Variants in CLTCL1 observed in about 807,000 individuals in gnomAD.
CLTCL1 encodes the protein clathrin heavy chain 2.
CLTCL1 carries 159 observed loss-of-function variants against 190.0 expected under a neutral mutation model. The observed-to-expected ratio is 0.84, with a 90% CI of 0.74 to 0.95. The LOEUF is 0.95. Among genes scored for constraint, CLTCL1 ranks in the 40% least tolerant of loss-of-function variants. The probability of loss-of-function intolerance (pLI) is 0.00; values close to 1 mark genes in which losing one functional copy is unlikely to be tolerated. For missense variants in CLTCL1, 1,878 were observed against 2,033.4 expected (o/e 0.92, Z 1.47); for synonymous variants, 752 against 769.6 (o/e 0.98, Z 0.38).
intron 16 of CLTCL1, 103 bp from the exon 17 acceptor site, chr22:19,221,714 G>T: frequency 1.8e-6 from 2 of 1,119,498 alleles, no homozygotes; most frequent in Admixed American, 2.5e-5. Flanking sequence ...AAAAATCTCA[G>T]AGTCCATTGA....
In CLTCL1 at chr22:19,198,991, T is replaced by C. The variant is rs1198937706; in HGVS notation, c.3873+743A>G. Among the ~76,000 whole-genome samples, 2 of 152,176 alleles carry C rather than the reference T, an allele frequency of 1.3e-5. No homozygotes were observed. Among genetic ancestry groups the C allele is most frequent in the Non-Finnish European group, 2.9e-5 (2 of 68,036 alleles). On this transcript the variant is annotated intron_variant, in intron 24 of 32. Coordinates refer to ENST00000427926, the MANE Select transcript of CLTCL1 (RefSeq NM_007098.4). The surrounding 1 kb of genome is among the most constrained non-coding windows in gnomAD (Gnocchi z 4.1). Reference sequence around the variant, plus strand: ...TCTGGGGGTGGGAAAGCATTTCTCATTGAAAAGCCATCACACCCAGCTAAT... The same window carrying C: ...TCTGGGGGTGGGAAAGCATTTCTCACTGAAAAGCCATCACACCCAGCTAAT...
At position 19,254,143 on chromosome 22, in the gene CLTCL1, T is replaced by C; in HGVS notation, c.335A>G (p.Lys112Arg). The part of the protein sequence containing the change: ...HTMAEEVIFW[K>R]WVSVNTVALV... The stretch of plus-strand genomic sequence containing the variant: ...GGCAACAGTGTTCACAGAAACCCAT[T>C]TCCAGAAAATCACTTCTTCTGCCAT... The change falls in exon 3 of 33, where the codon AAA (lysine) becomes AGA (arginine). Residue 112 changes from lysine to arginine, a missense_variant. Physicochemically the swap from Lys to Arg is conservative, Grantham distance 26. Transcript: ENST00000427926. The C allele has an allele frequency of 6.2e-7, 1 of 1,613,840 alleles. No individual in the cohort carries two copies. Among genetic ancestry groups the C allele is most frequent in the Non-Finnish European group, 8.5e-7 (1 of 1,179,810 alleles).
intron 10 of CLTCL1, among the ~76,000 whole-genome samples, chr22:19,231,762 T>A (rs2085923810): frequency 6.6e-6 from 1 of 152,226 alleles, no homozygotes; most frequent in Non-Finnish European, 1.5e-5. Flanking sequence ...TTTGAACAAC[T>A]TTAAAATATG....
At chr22:19,233,359 T>G (rs782358113) in intron 8 of CLTCL1, 41 bp from the exon 9 acceptor site, 1 of 1,610,394 alleles carries the variant, frequency 6.2e-7, no homozygotes, top group Non-Finnish European at 8.5e-7. Flanking sequence ...AGGAGGCAGG[T>G]AGGGAGCCTG....
intron 11 of CLTCL1, among the ~76,000 whole-genome samples, chr22:19,227,548 G>A (rs1461829422): frequency 4.0e-5 from 6 of 150,398 alleles, no homozygotes; most frequent in Admixed American, 1.3e-4. Context: ...TCCGTCTCAC[G>A]GGTTCAAGTG....
chr22:19,235,895 T>C lies in CLTCL1; in HGVS notation c.796-26A>G, dbSNP rs186158333. The C allele has an allele frequency of 4.4e-5, 70 of 1,599,356 alleles. No individual in the cohort carries two copies. The Middle Eastern group carries it at 5.0e-4, about 11-fold the overall frequency. Reference sequence around the variant, plus strand: ...CTATAAGAAGACAGAGAGCAAGAGGTTGGAAAGTAAGGAGGAGAAGCCATG... The same window carrying C: ...CTATAAGAAGACAGAGAGCAAGAGGCTGGAAAGTAAGGAGGAGAAGCCATG... On this transcript the variant is annotated intron_variant, in intron 5 of 32. Coordinates refer to ENST00000427926, the MANE Select transcript of CLTCL1 (RefSeq NM_007098.4).
At chr22:19,277,837 G>A (rs1601724217) in intron 1 of CLTCL1, among the ~76,000 whole-genome samples, 1 of 152,114 alleles carries the variant, frequency 6.6e-6, no homozygotes, top group Non-Finnish European at 1.5e-5. Context: ...AGATCCCACA[G>A]GTTGAGGGCT....
chr22:19,254,387 T>A (rs1322299687), intron 2 of CLTCL1, among the ~76,000 whole-genome samples, 160 bp from the exon 3 acceptor site: 1 of 152,226 alleles, frequency 6.6e-6, no homozygotes, highest in African/African-American at 2.4e-5. Context: ...TAATTAAGCA[T>A]ACCTTAATGT....
intron 18 of CLTCL1, among the ~76,000 whole-genome samples, chr22:19,218,991 T>C (rs2085478669): frequency 6.6e-6 from 1 of 152,086 alleles, no homozygotes; most frequent in Non-Finnish European, 1.5e-5. Context: ...CATGCAGGCA[T>C]GACACCAGGT....
chr22:19,218,670 C>G (rs1240906386), intron 18 of CLTCL1, among the ~76,000 whole-genome samples: 2 of 152,204 alleles, frequency 1.3e-5, no homozygotes, highest in African/African-American at 2.4e-5. Flanking sequence ...TTGCCCCACC[C>G]CTAAACAGTC....
chr22:19,238,801 C>G (rs899003517), intron 5 of CLTCL1: 1 of 153,684 alleles, frequency 6.5e-6, no homozygotes, highest in African/African-American at 2.4e-5. Context: ...TCTAGGCTCC[C>G]TCAATGGCAG....
chr22:19,232,668 A>G, intron 9 of CLTCL1, 70 bp from the exon 10 acceptor site: 1 of 1,530,618 alleles, frequency 6.5e-7, no homozygotes. Flanking sequence ...GAAGTTATCC[A>G]TCCTTTGTTT....
chr22:19,244,835 G>A lies in CLTCL1; in HGVS notation c.520-1899C>T, dbSNP rs76091527. Reference sequence around the variant, plus strand: ...GCATGTTAAGGACTGTAGCAGGCAAGGATTCAATGAGCAAATGCATTCATT... The same window carrying A: ...GCATGTTAAGGACTGTAGCAGGCAAAGATTCAATGAGCAAATGCATTCATT... On this transcript the variant is annotated intron_variant, in intron 3 of 32. Coordinates refer to ENST00000427926, the MANE Select transcript of CLTCL1 (RefSeq NM_007098.4). Among the ~76,000 whole-genome samples the A allele has an allele frequency of 5.9e-5, 9 of 152,342 alleles. No individual in the cohort carries two copies. The East Asian group carries it at 1.7e-3, about 29-fold the overall frequency.
At chr22:19,188,325 G>A (rs1428262429) in intron 27 of CLTCL1, among the ~76,000 whole-genome samples, 1 of 152,206 alleles carries the variant, frequency 6.6e-6, no homozygotes, top group Non-Finnish European at 1.5e-5. Context: ...GAGACACATG[G>A]GTTTGGGTCC....
intron 22 of CLTCL1, among the ~76,000 whole-genome samples, chr22:19,204,362 G>A (rs1235719219): frequency 6.6e-6 from 1 of 152,156 alleles, no homozygotes; most frequent in Non-Finnish European, 1.5e-5. Flanking sequence ...TTGCCCCGCT[G>A]TCTTGTTCTA....
At chr22:19,281,271 G>T (rs1391553854) in intron 1 of CLTCL1, among the ~76,000 whole-genome samples, 1 of 149,238 alleles carries the variant, frequency 6.7e-6, no homozygotes, top group Non-Finnish European at 1.5e-5. Context: ...CTCTAGCCTG[G>T]GCGACAGAGC....
intron 2 of CLTCL1, among the ~76,000 whole-genome samples, chr22:19,256,394 T>C (rs2086758577): frequency 6.8e-6 from 1 of 147,664 alleles, no homozygotes; most frequent in African/African-American, 2.5e-5. Flanking sequence ...TCTCTCTCTG[T>C]TGCCCAGGCT....
chr22:19,251,121 C>T (rs9618517), intron 3 of CLTCL1, among the ~76,000 whole-genome samples: 6 of 150,354 alleles, frequency 4.0e-5, no homozygotes, highest in Admixed American at 2.0e-4. Flanking sequence ...CAATATTTTT[C>T]GATTTAGATC....
At chr22:19,186,142 G>C (rs1206038500) in intron 29 of CLTCL1, among the ~76,000 whole-genome samples, 2 of 152,108 alleles carry the variant, frequency 1.3e-5, no homozygotes, top group African/African-American at 4.8e-5. Flanking sequence ...ATGAGAATGA[G>C]GCCCCTGTGC....
Sources: gnomAD v4.1 joint callset for allele counts (sites outside exome capture counted in the v4.1 genomes callset) on GRCh38, gnomAD v4.1.1 for gene constraint, Gnocchi (gnomAD v3.1) non-coding constraint, MANE v1.5 for transcripts, NCBI Gene and HGNC (gene_info 2026-07-23, HGNC 2026-07-21) for gene names.